The following FBXL18 variants were observed in gnomAD, a reference collection of about 807,000 sequenced individuals.
FBXL18 encodes F-box/LRR-repeat protein 18.
FBXL18 carries 36 observed loss-of-function variants against 46.0 expected under a neutral mutation model. The ratio of observed to expected loss-of-function variants is 0.78; its 90% CI spans 0.60 to 1.03. FBXL18 has a LOEUF of 1.03. Ranked by LOEUF, FBXL18 falls within the 50% of genes least tolerant of loss-of-function variation. The pLI is 0.00. For missense variants in FBXL18, 977 were observed against 1,004.1 expected (o/e 0.97, Z 0.36); for synonymous variants, 557 against 465.3 (o/e 1.20, Z -2.54).
chr7:5,484,507 G>C (rs1023367008), intron 4 of FBXL18, among the ~76,000 whole-genome samples: 3 of 151,084 alleles, frequency 2.0e-5, no homozygotes, highest in African/African-American at 4.9e-5. Flanking sequence ...TCGGGACATG[G>C]AAGGTGATTT....
chr7:5,470,701 GGGGGGAGATGTCCCCTTCCC>G (rs869123417), intron 4 of FBXL18, among the ~76,000 whole-genome samples: 89 of 5,102 alleles, frequency 0.017, no homozygotes, highest in East Asian at 0.091. Flanking sequence ...CCCCTTCCCG[GGGGGGAGATGTCCCCTTCCC>G]GGGGGGGAGA....
chr7:5,508,849 T>G (rs1463145896), intron 1 of FBXL18, among the ~76,000 whole-genome samples: 13 of 151,966 alleles, frequency 8.6e-5, no homozygotes, highest in Admixed American at 8.5e-4. Flanking sequence ...ATCACAGAGC[T>G]CACGTGGTAA....
rs1332522849 is a variant in FBXL18 at position 5,510,027 on chromosome 7, C to T, written c.18+3630G>A. 3.3e-5 allele frequency among the ~76,000 whole-genome samples: 5 copies of T among 151,980 alleles called. 1 individual carries two copies. The highest frequency in any genetic ancestry group is 2.1e-4 in the South Asian group (1 of 4,822). ...AACAAAAACCAGGGTGCAGGAAGGG[C>T]GCGGTAGCTCATGCGTGTAATTCCA... On this transcript the variant is annotated intron_variant, in intron 1 of 4. Coordinates refer to ENST00000382368, the MANE Select transcript of FBXL18 (RefSeq NM_024963.6).
Position 5,501,088 on chromosome 7 carries a change from TG to T in FBXL18, c.1180del (p.His394ThrfsTer86), listed in dbSNP as rs1465614570. ...NLRHLNLSAA[H>X]HHSSEGLGRH... The stretch of plus-strand genomic sequence containing the variant: ...GCCCAGGCCCTCCGAGCTGTGGTGG[TG>T]GGCGGCCGAGAGGTTCAGGTGGCGC... On this transcript the variant is annotated frameshift_variant, in exon 3 of 5. Coordinates refer to ENST00000382368, the MANE Select transcript of FBXL18 (RefSeq NM_024963.6). LOFTEE classifies it high-confidence loss of function. 6.2e-7 allele frequency: 1 copy of T among 1,611,914 alleles called. No homozygotes were observed. Among genetic ancestry groups the T allele is most frequent in the African/African-American group, 1.3e-5 (1 of 74,902 alleles).
chr7:5,465,230 G>A (rs186495028), intron 4 of FBXL18, among the ~76,000 whole-genome samples: 10 of 151,852 alleles, frequency 6.6e-5, no homozygotes, highest in South Asian at 2.1e-4. Flanking sequence ...TGAGACGGTC[G>A]TGCTCTGTCG....
chr7:5,483,231 A>C (rs1016160792), intron 4 of FBXL18, among the ~76,000 whole-genome samples: 7 of 151,454 alleles, frequency 4.6e-5, no homozygotes, highest in African/African-American at 1.7e-4. Flanking sequence ...ACCTGAGGTC[A>C]GGGGTTTGAG....
chr7:5,457,044 G>T (rs1477846362), intron 4 of FBXL18, among the ~76,000 whole-genome samples: 1 of 152,220 alleles, frequency 6.6e-6, no homozygotes, highest in Admixed American at 6.5e-5. Context: ...GATTACAGAC[G>T]TGAGCCACTG....
At chr7:5,463,888 G>T (rs1783302711) in intron 4 of FBXL18, among the ~76,000 whole-genome samples, 1 of 151,054 alleles carries the variant, frequency 6.6e-6, no homozygotes, top group Admixed American at 6.6e-5. Context: ...TTACAGGCGT[G>T]CGCCACCACA....
chr7:5,461,335 G>T (rs114472558), intron 4 of FBXL18, among the ~76,000 whole-genome samples: 4,218 of 152,318 alleles, frequency 0.028, 207 homozygotes, highest in African/African-American at 0.095. Context: ...GGCAGGCTGA[G>T]GCCAGAGGAT....
intron 4 of FBXL18, among the ~76,000 whole-genome samples, chr7:5,484,788 G>T (rs1055326703): frequency 6.6e-6 from 1 of 151,724 alleles, no homozygotes; most frequent in Non-Finnish European, 1.5e-5. Flanking sequence ...ACAGGTGCCC[G>T]CCACCATGCC....
chr7:5,491,629 G>A (rs1411889223), intron 3 of FBXL18, among the ~76,000 whole-genome samples, 180 bp from the exon 4 acceptor site: 1 of 152,186 alleles, frequency 6.6e-6, no homozygotes, highest in Non-Finnish European at 1.5e-5. Flanking sequence ...AGGCCCCCAG[G>A]GTCCCCCTTG....
intron 4 of FBXL18, among the ~76,000 whole-genome samples, chr7:5,464,548 A>G (rs564581140): frequency 6.6e-6 from 1 of 151,398 alleles, no homozygotes; most frequent in African/African-American, 2.4e-5. Flanking sequence ...CTGTGGTTCC[A>G]GCTACTTGGG....
intron 1 of FBXL18, among the ~76,000 whole-genome samples, chr7:5,508,592 G>T (rs1784452094): frequency 6.6e-6 from 1 of 150,590 alleles, no homozygotes; most frequent in Non-Finnish European, 1.5e-5. Context: ...CTGGATGACA[G>T]AGAGAGACCT....
chr7:5,509,789 A>G (rs555739701), intron 1 of FBXL18, among the ~76,000 whole-genome samples: 6 of 151,666 alleles, frequency 4.0e-5, no homozygotes, highest in Non-Finnish European at 7.4e-5. Context: ...TGGGGCAGGT[A>G]TCTGAGGGGT....
At chr7:5,488,503 A>G (rs1216351641) in intron 4 of FBXL18, among the ~76,000 whole-genome samples, 1 of 152,176 alleles carries the variant, frequency 6.6e-6, no homozygotes, top group Non-Finnish European at 1.5e-5. Flanking sequence ...GCCGGCCCCC[A>G]TCGCCACAGG....
chr7:5,481,782 C>G lies in FBXL18; in HGVS notation c.2150G>C (p.Trp717Ser), dbSNP rs1783652530. ...GGGCGGCGGCTCCGCCTCTCACCAC[C>G]ACAGGTTCGGCGGTTCCTCGGCCAC... ...SRVAEEPPNL[W>S]W Residue 717 changes from tryptophan to serine, a missense_variant, in exon 5 of 5, where the codon TGG becomes TCG. Physicochemically the swap from Trp to Ser is radical, Grantham distance 177. Coordinates refer to ENST00000382368, the MANE Select transcript of FBXL18 (RefSeq NM_024963.6). The G allele has an allele frequency of 6.2e-7, 1 of 1,613,438 alleles. No homozygotes were observed. The highest frequency in any genetic ancestry group is 8.5e-7 in the Non-Finnish European group (1 of 1,179,996).
At chr7:5,472,339 C>T (rs1439027497), downstream of FBXL18, among the ~76,000 whole-genome samples, 3 of 152,184 alleles carry the variant, frequency 2.0e-5, no homozygotes, top group Non-Finnish European at 4.4e-5. Context: ...GTCTGTGCCC[C>T]GTCTCTTGAC....
At chr7:5,460,552 C>T (rs895257574) in intron 4 of FBXL18, among the ~76,000 whole-genome samples, 1 of 152,226 alleles carries the variant, frequency 6.6e-6, no homozygotes, top group African/African-American at 2.4e-5. Flanking sequence ...CTTCTGGGTT[C>T]AAGTGATTCT....
chr7:5,459,044 T>G (rs747790207), intron 4 of FBXL18, among the ~76,000 whole-genome samples: 1 of 152,052 alleles, frequency 6.6e-6, no homozygotes, highest in African/African-American at 2.4e-5. Context: ...TCACAGCTAC[T>G]GAGGAAGCTG....
Sources: gnomAD v4.1 joint callset for allele counts (sites outside exome capture counted in the v4.1 genomes callset) on GRCh38, gnomAD v4.1.1 for gene constraint, MANE v1.5 for transcripts, NCBI Gene and HGNC (gene_info 2026-07-23, HGNC 2026-07-21) for gene names.